KLHL32: variants seen among roughly 807,000 people sequenced by gnomAD.
The protein encoded by KLHL32 is kelch like family member 32.
KLHL32 carries 35 observed loss-of-function variants against 64.8 expected under a neutral mutation model. That is an observed-to-expected ratio of 0.54 (90% CI 0.41 to 0.72). The LOEUF (loss-of-function observed/expected upper bound fraction) is 0.72, where lower values mean the gene tolerates loss of function less well. Among genes scored for constraint, KLHL32 ranks in the 30% least tolerant of loss-of-function variants. The probability of loss-of-function intolerance (pLI) is 0.00; values close to 1 mark genes in which losing one functional copy is unlikely to be tolerated. For synonymous variants in KLHL32, 259 were observed against 281.0 expected (o/e 0.92, Z 0.78); for missense variants, 589 against 768.5 (o/e 0.77, Z 2.76).
chr6:96,934,287 G>A (rs1274885423), intron 1 of KLHL32, among the ~76,000 whole-genome samples: 2 of 152,156 alleles, frequency 1.3e-5, no homozygotes, highest in Non-Finnish European at 2.9e-5. Context: ...AGTCATTTGT[G>A]TATTAAGAAA....
chr6:97,127,458 A>G lies in KLHL32; in HGVS notation c.1409A>G (p.Asn470Ser). 6.2e-7 allele frequency: 1 copy of G among 1,611,590 alleles called. No individual in the cohort carries two copies. ...AACAGGCTAATGGTGTATGAACCTA[A>G]CCAGGTAAGAATCATGTAAGAACAC... ...YQNRLMVYEPNQNKWISRSPM... is the reference protein window; with the variant it reads ...YQNRLMVYEPSQNKWISRSPM... Residue 470 changes from asparagine (N) to serine (S), a missense_variant, in exon 8 of 11, where the codon AAC (asparagine) becomes AGC (serine). By Grantham distance (46) the Asn-to-Ser change is conservative (BLOSUM62 1). Around this residue, in one of 3 missense-constraint regions of KLHL32, gnomAD observed 172 missense variants for 192.0 expected, o/e 0.90. Transcript: ENST00000369261.
intron 5 of KLHL32, among the ~76,000 whole-genome samples, chr6:97,084,090 G>A (rs73505013): frequency 0.026 from 4,006 of 152,208 alleles, 168 homozygotes; most frequent in African/African-American, 0.092. Flanking sequence ...AGGAGTTCTT[G>A]ATACTCTCAG....
At chr6:96,899,760 A>G in the KLHL32 span, among the ~76,000 whole-genome samples, 1 of 152,206 alleles carries the variant, frequency 6.6e-6, no homozygotes, top group African/African-American at 2.4e-5. Flanking sequence ...TTGTCAAAAC[A>G]TATAAATTAA....
At chr6:96,969,901 A>G (rs1774922501) in intron 2 of KLHL32, among the ~76,000 whole-genome samples, 1 of 152,182 alleles carries the variant, frequency 6.6e-6, no homozygotes, top group South Asian at 2.1e-4. Context: ...GACAACTCAA[A>G]CTTAACATGT....
intron 5 of KLHL32, among the ~76,000 whole-genome samples, chr6:97,083,686 T>A (rs1792937695): frequency 6.6e-6 from 1 of 152,220 alleles, no homozygotes; most frequent in Admixed American, 6.5e-5. Flanking sequence ...TTATGAAGGA[T>A]TTTTGTTTTC....
intron 4 of KLHL32, among the ~76,000 whole-genome samples, chr6:97,056,268 G>C (rs1392338065): frequency 6.6e-6 from 1 of 151,844 alleles, no homozygotes; most frequent in African/African-American, 2.4e-5. Flanking sequence ...ACCACGCCCG[G>C]CTAATTTTTT....
At chr6:97,070,670 A>G (rs527300267) in intron 5 of KLHL32, among the ~76,000 whole-genome samples, 1 of 152,346 alleles carries the variant, frequency 6.6e-6, no homozygotes, top group African/African-American at 2.4e-5. Context: ...GAAAGAGTTC[A>G]CTAATAATAT....
chr6:96,902,884 G>A, the KLHL32 span, among the ~76,000 whole-genome samples: 8 of 152,156 alleles, frequency 5.3e-5, no homozygotes, highest in African/African-American at 1.7e-4. Flanking sequence ...GTTTGTCAAA[G>A]ATCAAATGAT....
At chr6:97,017,919 T>C (rs1208760047) in intron 3 of KLHL32, among the ~76,000 whole-genome samples, 3 of 152,286 alleles carry the variant, frequency 2.0e-5, no homozygotes, top group East Asian at 1.9e-4. Flanking sequence ...CAAGTGATCA[T>C]GTGGATGATG....
intron 5 of KLHL32, among the ~76,000 whole-genome samples, chr6:97,081,217 A>T (rs1325107387): frequency 6.6e-6 from 1 of 152,104 alleles, no homozygotes; most frequent in East Asian, 1.9e-4. Flanking sequence ...TGCAGGAAGG[A>T]AGTGGGCAAA....
At chr6:97,048,992 G>A (rs1212371957) in intron 4 of KLHL32, among the ~76,000 whole-genome samples, 1 of 152,236 alleles carries the variant, frequency 6.6e-6, no homozygotes, top group East Asian at 1.9e-4. Context: ...AAGGCCCTGA[G>A]GCACCTCCAC....
chr6:96,941,204 T>C (rs1306686176), intron 1 of KLHL32, among the ~76,000 whole-genome samples: 1 of 152,266 alleles, frequency 6.6e-6, no homozygotes, highest in Non-Finnish European at 1.5e-5. Context: ...GTACAACTTC[T>C]ATGATTCGCC....
chr6:96,933,803 A>C (rs1770233433), intron 1 of KLHL32, among the ~76,000 whole-genome samples: 1 of 152,162 alleles, frequency 6.6e-6, no homozygotes, highest in Non-Finnish European at 1.5e-5. Context: ...GCAGTCACTC[A>C]TGGTGGCTTG....
chr6:97,030,387 T>A (rs549611666), intron 3 of KLHL32, among the ~76,000 whole-genome samples: 1 of 152,320 alleles, frequency 6.6e-6, no homozygotes, highest in South Asian at 2.1e-4. Flanking sequence ...ATCACTTCTG[T>A]GTGAAATAAA....
chr6:97,013,690 A>G (rs1780716453), intron 3 of KLHL32, among the ~76,000 whole-genome samples: 1 of 152,236 alleles, frequency 6.6e-6, no homozygotes, highest in Non-Finnish European at 1.5e-5. Context: ...ATCTTTTGAT[A>G]TAAGTTCCAC....
chr6:97,061,337 T>G (rs977668168), intron 4 of KLHL32, among the ~76,000 whole-genome samples: 1 of 150,068 alleles, frequency 6.7e-6, no homozygotes, highest in Non-Finnish European at 1.5e-5. Context: ...TTCCCCCCAC[T>G]TCCCCCAGCC....
At chr6:97,035,558 A>G (rs1350933462) in intron 3 of KLHL32, among the ~76,000 whole-genome samples, 1 of 152,064 alleles carries the variant, frequency 6.6e-6, no homozygotes, top group African/African-American at 2.4e-5. Context: ...TTTCCCTGGG[A>G]AAGACTTTCT....
intron 3 of KLHL32, among the ~76,000 whole-genome samples, chr6:97,013,960 AG>A (rs1562243225): frequency 6.6e-6 from 1 of 152,156 alleles, no homozygotes; most frequent in Non-Finnish European, 1.5e-5. Flanking sequence ...TCTCTGAAGT[AG>A]GGGTTTGTGC....
intron 3 of KLHL32, among the ~76,000 whole-genome samples, chr6:96,996,633 G>GT (rs1212055465): frequency 6.6e-6 from 1 of 152,070 alleles, no homozygotes; most frequent in Non-Finnish European, 1.5e-5. Flanking sequence ...TGGTATACCA[G>GT]TTTTGGCGTG....
Sources: allele counts gnomAD v4.1 joint callset (sites outside exome capture counted in the v4.1 genomes callset), GRCh38; gene constraint gnomAD v4.1.1; regional missense constraint gnomAD v4.1.1; transcripts MANE v1.5; gene names NCBI Gene and HGNC (gene_info 2026-07-23, HGNC 2026-07-21).